PLPPR1: variants seen among roughly 807,000 people sequenced by gnomAD.
The protein encoded by PLPPR1 is phospholipid phosphatase related 1.
A neutral mutation model predicts 33.1 loss-of-function variants in PLPPR1; 10 were observed. That is an observed-to-expected ratio of 0.30 (90% CI 0.19 to 0.51). The LOEUF is 0.51. Ranked by LOEUF, PLPPR1 falls within the 20% of genes least tolerant of loss-of-function variation. The pLI, the probability that PLPPR1 is intolerant of heterozygous loss-of-function variation, is 0.97. For missense variants in PLPPR1, 304 were observed against 408.1 expected (o/e 0.74, Z 2.20); for synonymous variants, 151 against 151.0 (o/e 1.00, Z 0.00).
chr9:101,248,826 C>T (rs971078876), intron 2 of PLPPR1, among the ~76,000 whole-genome samples: 11 of 152,190 alleles, frequency 7.2e-5, no homozygotes, highest in African/African-American at 1.9e-4. Context: ...AAGCTCTGAG[C>T]TTAAGTGGTT....
intron 1 of PLPPR1, among the ~76,000 whole-genome samples, chr9:101,031,336 A>G (rs762507058): frequency 6.6e-6 from 1 of 152,148 alleles, no homozygotes; most frequent in Non-Finnish European, 1.5e-5. Context: ...TTTATTGACC[A>G]CCTATCCTGT....
At chr9:101,093,436 T>C (rs1487452089) in intron 1 of PLPPR1, among the ~76,000 whole-genome samples, 1 of 152,190 alleles carries the variant, frequency 6.6e-6, no homozygotes, top group Non-Finnish European at 1.5e-5. Flanking sequence ...CCACTTAATA[T>C]GTAGCCCTGA....
intron 3 of PLPPR1, among the ~76,000 whole-genome samples, chr9:101,278,681 C>A (rs1163161140): frequency 2.6e-5 from 4 of 152,142 alleles, no homozygotes; most frequent in African/African-American, 9.7e-5. Context: ...CCCACAGCCC[C>A]AGACTCCAGA....
intron 1 of PLPPR1, among the ~76,000 whole-genome samples, chr9:101,109,126 T>A (rs1831017238): frequency 7.9e-6 from 1 of 126,322 alleles, no homozygotes; most frequent in South Asian, 2.7e-4. Flanking sequence ...GCCTGGCTAA[T>A]TTTTTGTATT....
At chr9:101,182,654 T>C (rs1158118889) in intron 1 of PLPPR1, among the ~76,000 whole-genome samples, 1 of 151,684 alleles carries the variant, frequency 6.6e-6, no homozygotes, top group African/African-American at 2.4e-5. Context: ...TGGTTAACTT[T>C]GTATTGTGTG....
At chr9:101,050,529 T>C (rs890276543) in intron 1 of PLPPR1, among the ~76,000 whole-genome samples, 2 of 152,196 alleles carry the variant, frequency 1.3e-5, no homozygotes, top group Non-Finnish European at 2.9e-5. Flanking sequence ...TTCTGCTGTT[T>C]ATTTGTTCCT....
Position 101,312,906 on chromosome 9 carries a change from G to C in PLPPR1, c.745G>C (p.Glu249Gln). 1 of 1,614,160 alleles carries C rather than the reference G, an allele frequency of 6.2e-7. No homozygotes were observed. The highest frequency in any genetic ancestry group is 8.5e-7 in the Non-Finnish European group (1 of 1,180,014). ...AFLTGLNRVS[E>Q]YRNHCSDVIA... is the part of the protein sequence containing the mutation. ...CCTGACAGGCCTCAACCGGGTCTCT[G>C]AGTATCGGAACCACTGCTCGGACGT... Residue 249 changes from glutamate (E) to glutamine (Q), a missense_variant, in exon 6 of 8, where the codon GAG (glutamate) becomes CAG (glutamine). Physicochemically the swap from Glu to Gln is conservative, Grantham distance 29 (BLOSUM62 2). Coordinates refer to ENST00000374874, the MANE Select transcript of PLPPR1 (RefSeq NM_207299.2).
chr9:101,286,505 T>C (rs1456855350), intron 4 of PLPPR1, among the ~76,000 whole-genome samples: 1 of 152,112 alleles, frequency 6.6e-6, no homozygotes, highest in Non-Finnish European at 1.5e-5. Flanking sequence ...TGGATATTGC[T>C]ATATACCTTT....
At chr9:101,216,254 A>G (rs747580587) in intron 2 of PLPPR1, among the ~76,000 whole-genome samples, 21 of 152,124 alleles carry the variant, frequency 1.4e-4, no homozygotes, top group Non-Finnish European at 2.2e-4. Context: ...TGGAGTTTTA[A>G]TTTGCATTTC....
At chr9:101,312,302 C>T (rs1828974184) in intron 5 of PLPPR1, among the ~76,000 whole-genome samples, 1 of 152,178 alleles carries the variant, frequency 6.6e-6, no homozygotes, top group African/African-American at 2.4e-5. Context: ...TGGTATTAAT[C>T]ACCTGAAGGT....
chr9:101,315,475 T>C (rs12553507), intron 6 of PLPPR1, among the ~76,000 whole-genome samples: 46,844 of 152,080 alleles, frequency 0.31, 8,265 homozygotes, highest in African/African-American at 0.48. Context: ...GGGATGATAT[T>C]GGGGTTTGCT....
At chr9:101,268,189 C>T (rs984857439) in intron 2 of PLPPR1, among the ~76,000 whole-genome samples, 3 of 150,158 alleles carry the variant, frequency 2.0e-5, no homozygotes, top group African/African-American at 7.4e-5. Flanking sequence ...CAACATGGCA[C>T]ATGTATATAT....
chr9:101,235,108 C>G (rs1489465445), intron 2 of PLPPR1, among the ~76,000 whole-genome samples: 3 of 151,816 alleles, frequency 2.0e-5, no homozygotes, highest in African/African-American at 7.3e-5. Context: ...TGGTATTTAA[C>G]AATCTTTCTA....
chr9:101,151,306 G>T (rs1831583106), intron 1 of PLPPR1, among the ~76,000 whole-genome samples: 1 of 152,088 alleles, frequency 6.6e-6, no homozygotes, highest in South Asian at 2.1e-4. Context: ...CTAAGTATAA[G>T]GTGGTAATAT....
intron 1 of PLPPR1, among the ~76,000 whole-genome samples, chr9:101,032,232 TA>T (rs144554855): frequency 0.053 from 7,994 of 152,168 alleles, 499 homozygotes; most frequent in African/African-American, 0.15. Flanking sequence ...TGGGGAAGGC[TA>T]GGGGTGTTTG....
At chr9:101,323,724 A>G (rs1022834854) in intron 7 of PLPPR1, among the ~76,000 whole-genome samples, 3 of 152,126 alleles carry the variant, frequency 2.0e-5, no homozygotes, top group African/African-American at 7.2e-5. Context: ...CTGTAATCCC[A>G]GCTACTTGGG....
chr9:101,119,171 G>T (rs1469797975), intron 1 of PLPPR1, among the ~76,000 whole-genome samples: 1 of 152,138 alleles, frequency 6.6e-6, no homozygotes, highest in African/African-American at 2.4e-5. Flanking sequence ...TGTCCACAGA[G>T]GTCAACATAT....
chr9:101,319,595 A>G (rs1316263072), intron 7 of PLPPR1, among the ~76,000 whole-genome samples: 4 of 152,100 alleles, frequency 2.6e-5, no homozygotes, highest in Non-Finnish European at 4.4e-5. Flanking sequence ...TAACATTTTA[A>G]CTTGGTCTAG....
At chr9:101,033,928 T>C (rs1319895338) in intron 1 of PLPPR1, among the ~76,000 whole-genome samples, 1 of 152,044 alleles carries the variant, frequency 6.6e-6, no homozygotes, top group Non-Finnish European at 1.5e-5. Context: ...TTTGAAAAGG[T>C]TGAAAGTAGG....
Sources: allele counts gnomAD v4.1 joint callset (sites outside exome capture counted in the v4.1 genomes callset), GRCh38; gene constraint gnomAD v4.1.1; transcripts MANE v1.5; gene names NCBI Gene and HGNC (gene_info 2026-07-23, HGNC 2026-07-21).